IL1RL2: variants seen among roughly 807,000 people sequenced by gnomAD.
IL1RL2 encodes interleukin-1 receptor-like 2.
In IL1RL2, 68 loss-of-function variants were observed where a neutral mutation model predicts 66.8. The ratio of observed to expected loss-of-function variants is 1.02; its 90% CI spans 0.84 to 1.25. IL1RL2 has a LOEUF of 1.25. Ranked by LOEUF, IL1RL2 falls within the 50% of genes most tolerant of loss-of-function variation. The probability of loss-of-function intolerance (pLI) is 0.00; values close to 1 mark genes in which losing one functional copy is unlikely to be tolerated. For missense variants in IL1RL2, 729 were observed against 709.3 expected (o/e 1.03, Z -0.32); for synonymous variants, 305 against 264.6 (o/e 1.15, Z -1.48).
intron 11 of IL1RL2, among the ~76,000 whole-genome samples, chr2:102,238,208 C>T (rs35172715): frequency 5.3e-5 from 8 of 152,082 alleles, no homozygotes; most frequent in South Asian, 2.1e-4. Flanking sequence ...GGTGCTGAGT[C>T]GCTGGGTTAC....
chr2:102,226,093 C>G (rs762267176), intron 9 of IL1RL2, 52 bp downstream of exon 9: 1 of 1,391,546 alleles, frequency 7.2e-7, no homozygotes. Context: ...TCCTCTTATA[C>G]ATATACAACG....
intron 11 of IL1RL2, chr2:102,235,877 T>C: frequency 1.0e-6 from 1 of 985,446 alleles, no homozygotes; most frequent in Non-Finnish European, 1.2e-6. Flanking sequence ...CCTAGACCAG[T>C]GGGGACCCAC....
intron 2 of IL1RL2, 89 bp from the exon 3 acceptor site, chr2:102,188,987 A>G: frequency 1.1e-6 from 1 of 926,380 alleles, no homozygotes; most frequent in Non-Finnish European, 1.6e-6. Flanking sequence ...TGGCTGGAAA[A>G]TTGAAGAGGC....
At chr2:102,240,627 C>CCAA (rs547599867), downstream of IL1RL2, among the ~76,000 whole-genome samples, 4 of 152,270 alleles carry the variant, frequency 2.6e-5, no homozygotes, top group South Asian at 8.3e-4. Context: ...GTTTTAATAA[C>CCAA]CAACTTATGC....
chr2:102,198,709 C>T (rs1226903372), intron 4 of IL1RL2, among the ~76,000 whole-genome samples: 2 of 151,930 alleles, frequency 1.3e-5, no homozygotes, highest in Non-Finnish European at 2.9e-5. Context: ...TTCTTTTCCT[C>T]TATATTTGGG....
intron 11 of IL1RL2, among the ~76,000 whole-genome samples, chr2:102,237,192 A>T (rs1340574714): frequency 6.6e-6 from 1 of 152,204 alleles, no homozygotes; most frequent in Non-Finnish European, 1.5e-5. Flanking sequence ...GCAGAGGGAA[A>T]TGGCTGGGAA....
At chr2:102,227,078 C>CTTTTGTTTTG (rs140698681) in intron 9 of IL1RL2, among the ~76,000 whole-genome samples, 1 of 152,074 alleles carries the variant, frequency 6.6e-6, no homozygotes, top group African/African-American at 2.4e-5. Context: ...GACTATGCTA[C>CTTTTGTTTTG]TTTTGTTTTG....
intron 11 of IL1RL2, among the ~76,000 whole-genome samples, chr2:102,236,933 A>G (rs1674935866): frequency 6.6e-6 from 1 of 152,242 alleles, no homozygotes; most frequent in African/African-American, 2.4e-5. Context: ...CAGTTAAAGA[A>G]TTTACCAACA....
intron 5 of IL1RL2, among the ~76,000 whole-genome samples, chr2:102,208,254 G>A (rs922489432): frequency 1.3e-5 from 2 of 152,182 alleles, no homozygotes; most frequent in East Asian, 1.9e-4. Context: ...TGTTAACTTG[G>A]TGTCCTTGTA....
intron 11 of IL1RL2, 49 bp from the exon 12 acceptor site, chr2:102,239,141 CCA>C: frequency 6.4e-7 from 1 of 1,556,506 alleles, no homozygotes; most frequent in South Asian, 1.1e-5. Flanking sequence ...TTATCAGCCC[CCA>C]TCTCCCACCA....
chr2:102,201,813 TA>T (rs1429367067), intron 5 of IL1RL2, 98 bp downstream of exon 5: 4 of 1,172,272 alleles, frequency 3.4e-6, no homozygotes, highest in Non-Finnish European at 4.9e-6. Context: ...GGAGTGATTC[TA>T]GGTCTTGGTT....
intron 3 of IL1RL2, among the ~76,000 whole-genome samples, chr2:102,190,774 A>G (rs1048594283): frequency 2.0e-5 from 3 of 152,258 alleles, no homozygotes; most frequent in Non-Finnish European, 2.9e-5. Flanking sequence ...AAGATCATAC[A>G]TCACATAAAT....
intron 10 of IL1RL2, 114 bp downstream of exon 10, chr2:102,233,238 G>T (rs1691304453): frequency 1.9e-6 from 2 of 1,062,310 alleles, no homozygotes; most frequent in African/African-American, 3.2e-5. Flanking sequence ...GAACCACAGA[G>T]AGTCTATGAC....
At chr2:102,201,928 CAGA>C in intron 5 of IL1RL2, among the ~76,000 whole-genome samples, 1 of 152,222 alleles carries the variant, frequency 6.6e-6, no homozygotes, top group South Asian at 2.1e-4. Flanking sequence ...TTCTGAACAA[CAGA>C]ACACTCAAAA....
chr2:102,228,098 T>A (rs1578186551), intron 9 of IL1RL2, among the ~76,000 whole-genome samples: 1 of 152,176 alleles, frequency 6.6e-6, no homozygotes, highest in Non-Finnish European at 1.5e-5. Context: ...CAGCCAGGGG[T>A]CCTTTTTTTC....
At position 102,234,947 on chromosome 2, in the gene IL1RL2, G is replaced by T. The variant is rs781759585; in HGVS notation, c.1348G>T (p.Val450Phe). The T allele has an allele frequency of 6.8e-6, 11 of 1,614,096 alleles. No individual in the cohort carries two copies. Among genetic ancestry groups the T allele is most frequent in the Non-Finnish European group, 8.5e-6 (10 of 1,180,054 alleles). ...ENVKLCRRLI[V>F]IVVPESLGFG... The stretch of plus-strand genomic sequence containing the variant: ...CGTTAAGCTGTGCAGGAGGCTGATT[G>T]TCATTGTGGTCCCCGAATCGCTGGG... Residue 450 changes from valine (V) to phenylalanine (F), a missense_variant, in exon 11 of 12, where the codon GTC becomes TTC. By Grantham distance (50) the Val-to-Phe change is conservative. Transcript: ENST00000264257.
chr2:102,217,189 G>T (rs1220607593), intron 6 of IL1RL2, among the ~76,000 whole-genome samples: 1 of 152,130 alleles, frequency 6.6e-6, no homozygotes, highest in Non-Finnish European at 1.5e-5. Flanking sequence ...GTCTGGAAGG[G>T]ACTTTATTTT....
In IL1RL2 at chr2:102,233,003, C is replaced by T. The variant is rs774933483; in HGVS notation, c.1176C>T (p.Pro392=). The T allele has an allele frequency of 1.2e-6, 2 of 1,614,172 alleles. No homozygotes were observed. Among genetic ancestry groups the T allele is most frequent in the South Asian group, 2.2e-5 (2 of 91,088 alleles). ...LYDAYVLYPK[P]HKESQRHAVD... The stretch of plus-strand genomic sequence containing the variant: ...ACGCCTATGTCTTATACCCCAAGCC[C>T]CACAAGGAAAGCCAGAGGCATGCCG... Residue 392 remains proline, a synonymous_variant, in exon 10 of 12, where the codon CCC becomes CCT. Coordinates refer to ENST00000264257, the MANE Select transcript of IL1RL2 (RefSeq NM_003854.4).
intron 5 of IL1RL2, among the ~76,000 whole-genome samples, chr2:102,206,099 T>C (rs184528051): frequency 6.6e-6 from 1 of 152,240 alleles, no homozygotes; most frequent in Admixed American, 6.5e-5. Flanking sequence ...AAAAATCTTA[T>C]TTCAATCTCC....
Sources: gnomAD v4.1 joint callset for allele counts (sites outside exome capture counted in the v4.1 genomes callset) on GRCh38, gnomAD v4.1.1 for gene constraint, MANE v1.5 for transcripts, NCBI Gene and HGNC (gene_info 2026-07-23, HGNC 2026-07-21) for gene names.